Variants in EPN2 observed in about 807,000 individuals in gnomAD.
The protein encoded by EPN2 is epsin 2.
A neutral mutation model predicts 61.7 loss-of-function variants in EPN2; 34 were observed. The observed-to-expected ratio is 0.55, with a 90% CI of 0.42 to 0.73. EPN2 has a LOEUF of 0.73. Among genes scored for constraint, EPN2 ranks in the 30% least tolerant of loss-of-function variants. The pLI, the probability that EPN2 is intolerant of heterozygous loss-of-function variation, is 0.00. For missense variants in EPN2, 714 were observed against 839.2 expected, an observed-to-expected ratio of 0.85 and a Z score of 1.84; for synonymous variants, 349 against 353.6, an observed-to-expected ratio of 0.99 and a Z score of 0.15.
intron 4 of EPN2, among the ~76,000 whole-genome samples, chr17:19,289,723 G>GGTTTT (rs1343672669): frequency 1.1e-4 from 3 of 27,522 alleles, no homozygotes; most frequent in Non-Finnish European, 2.6e-4. Context: ...TGGCGCTCAT[G>GGTTTT]GTTTTTTTTT....
intron 1 of EPN2, among the ~76,000 whole-genome samples, chr17:19,254,498 A>G (rs984463794): frequency 6.6e-6 from 1 of 152,166 alleles, no homozygotes; most frequent in African/African-American, 2.4e-5. Context: ...CTAAGATCGC[A>G]CCACCGCACT....
At chr17:19,260,788 T>G (rs2045133018) in intron 1 of EPN2, among the ~76,000 whole-genome samples, 1 of 152,154 alleles carries the variant, frequency 6.6e-6, no homozygotes, top group Non-Finnish European at 1.5e-5. Context: ...TTGAATACCC[T>G]TCTAGTTTTT....
At chr17:19,317,233 G>C (rs1906424207) in intron 7 of EPN2, among the ~76,000 whole-genome samples, 1 of 152,220 alleles carries the variant, frequency 6.6e-6, no homozygotes, top group Non-Finnish European at 1.5e-5. Context: ...GTGGCCTTGG[G>C]AGGAAATGCT....
intron 1 of EPN2, among the ~76,000 whole-genome samples, chr17:19,247,242 A>C (rs1285512168): frequency 6.6e-6 from 1 of 152,240 alleles, no homozygotes. Context: ...GACTGAGGCC[A>C]GTGTCAACCT....
chr17:19,315,284 A>C (rs1030836992), intron 7 of EPN2, among the ~76,000 whole-genome samples: 6 of 152,198 alleles, frequency 3.9e-5, no homozygotes, highest in Admixed American at 3.3e-4. Flanking sequence ...CCCTCTAGGA[A>C]CATAGCGTAA....
chr17:19,301,681 C>T (rs1015083041), intron 4 of EPN2, among the ~76,000 whole-genome samples: 13 of 152,224 alleles, frequency 8.5e-5, no homozygotes, highest in African/African-American at 2.7e-4. Flanking sequence ...GAGCCTGTCC[C>T]CTGCTCTCAG....
chr17:19,283,892 A>G lies in EPN2; in HGVS notation c.595+178A>G, dbSNP rs141439345. On this transcript the variant is annotated intron_variant, in intron 3 of 10. Transcript: ENST00000314728. The surrounding 1 kb of genome is among the most constrained non-coding windows in gnomAD (Gnocchi z 7.0). ...TGGTCTGGATTGAGTTTTGGTTATA[A>G]AGGGACTTTTAGTCCCTTGGCTGCT... Among the ~76,000 whole-genome samples the G allele has an allele frequency of 6.7e-3, 1,018 of 152,264 alleles. 16 individuals are homozygous for G. Among genetic ancestry groups the G allele is most frequent in the African/African-American group, 0.024 (977 of 41,544 alleles).
In EPN2 at chr17:19,283,617, C is replaced by G. The variant is rs1288436866; in HGVS notation, c.498C>G (p.Ile166Met). Residue 166 changes from isoleucine to methionine, a missense_variant, in exon 3 of 11, where the codon ATC becomes ATG. By Grantham distance (10) the Ile-to-Met change is conservative (BLOSUM62 1). Around this residue, in one of 2 missense-constraint regions of EPN2, gnomAD observed 304 missense variants for 417.4 expected, o/e 0.73. Transcript: ENST00000314728. The surrounding 1 kb of genome is among the most constrained non-coding windows in gnomAD (Gnocchi z 7.0). ...QVATGMGSNQ[I>M]TFGRGSSQPN... ...CCACTGGCATGGGCAGCAACCAGATCACCTTTGGGCGAGGCTCCAGCCAGC... is the reference window on the plus strand; with the variant it reads ...CCACTGGCATGGGCAGCAACCAGATGACCTTTGGGCGAGGCTCCAGCCAGC... 17 of 1,614,028 alleles carry G rather than the reference C, an allele frequency of 1.1e-5. No homozygotes were observed. The highest frequency in any genetic ancestry group is 1.4e-5 in the Non-Finnish European group (17 of 1,180,042).
intron 1 of EPN2, among the ~76,000 whole-genome samples, chr17:19,270,479 A>G (rs2045242017): frequency 6.6e-6 from 1 of 152,146 alleles, no homozygotes; most frequent in South Asian, 2.1e-4. Flanking sequence ...GTAGGCTTTC[A>G]TCTCCTGCCG....
intron 4 of EPN2, among the ~76,000 whole-genome samples, chr17:19,293,534 CTTTTTTTT>C (rs71155390): frequency 7.6e-5 from 4 of 52,432 alleles, no homozygotes; most frequent in South Asian, 1.5e-3. Flanking sequence ...CCATACCCAG[CTTTTTTTT>C]TTTTTTTTTT....
chr17:19,319,084 GC>G (rs935632003), intron 7 of EPN2, among the ~76,000 whole-genome samples: 14 of 151,728 alleles, frequency 9.2e-5, no homozygotes, highest in Non-Finnish European at 1.9e-4. Flanking sequence ...TGTAATCCCA[GC>G]TACTTGGGAA....
At chr17:19,299,050 A>G (rs28570379) in intron 4 of EPN2, among the ~76,000 whole-genome samples, 195 of 152,286 alleles carry the variant, frequency 1.3e-3, no homozygotes, top group African/African-American at 4.5e-3. Flanking sequence ...AGCATGACAA[A>G]TGTTTTCCAA....
chr17:19,328,399 C>G (rs946667050), intron 7 of EPN2, among the ~76,000 whole-genome samples: 1 of 151,994 alleles, frequency 6.6e-6, no homozygotes, highest in Non-Finnish European at 1.5e-5. Flanking sequence ...GCTCAGGAGC[C>G]CTTTGCAAGC....
intron 4 of EPN2, among the ~76,000 whole-genome samples, chr17:19,289,778 G>T (rs1180249700): frequency 1.6e-5 from 2 of 125,528 alleles, no homozygotes; most frequent in Non-Finnish European, 3.2e-5. Flanking sequence ...CCAGGCTAGA[G>T]TGTAGTGGGG....
chr17:19,317,292 T>A (rs1162606474), intron 7 of EPN2, among the ~76,000 whole-genome samples: 1 of 152,144 alleles, frequency 6.6e-6, no homozygotes, highest in African/African-American at 2.4e-5. Flanking sequence ...GTGGGGCGCT[T>A]CCTCCTCTGT....
At chr17:19,287,812 G>A (rs967740311) in intron 4 of EPN2, among the ~76,000 whole-genome samples, 8 of 152,168 alleles carry the variant, frequency 5.3e-5, no homozygotes, top group Non-Finnish European at 1.0e-4. Flanking sequence ...TGTGACTGGC[G>A]ATAATCATGA....
intron 4 of EPN2, among the ~76,000 whole-genome samples, chr17:19,287,706 G>T (rs1445669077): frequency 2.0e-5 from 3 of 152,172 alleles, no homozygotes; most frequent in South Asian, 4.1e-4. Context: ...TTTGTGAGGG[G>T]TGCATTTGGG....
intron 4 of EPN2, chr17:19,296,616 A>T (rs998698350): frequency 2.0e-5 from 3 of 151,920 alleles, no homozygotes; most frequent in African/African-American, 7.3e-5. Flanking sequence ...TTTTATTTTT[A>T]TTTATTTGTT....
intron 4 of EPN2, among the ~76,000 whole-genome samples, chr17:19,294,836 T>C (rs555093378): frequency 3.9e-5 from 6 of 152,306 alleles, no homozygotes; most frequent in Non-Finnish European, 7.4e-5. Context: ...GGGCTGCTGG[T>C]TCCCTGTCAG....
Sources: allele counts gnomAD v4.1 joint callset (sites outside exome capture counted in the v4.1 genomes callset), GRCh38; gene constraint gnomAD v4.1.1; regional missense constraint gnomAD v4.1.1; non-coding constraint Gnocchi (gnomAD v3.1); transcripts MANE v1.5; gene names NCBI Gene and HGNC (gene_info 2026-07-23, HGNC 2026-07-21).